SNX29: variants seen among roughly 807,000 people sequenced by gnomAD.
SNX29 encodes sorting nexin-29.
SNX29 carries 78 observed loss-of-function variants against 102.1 expected under a neutral mutation model. The observed-to-expected ratio is 0.76, with a 90% CI of 0.64 to 0.92. The LOEUF is 0.92. Among genes scored for constraint, SNX29 ranks in the 40% least tolerant of loss-of-function variants. The pLI is 0.00. For synonymous variants in SNX29, 580 were observed against 414.5 expected (o/e 1.40, Z -4.85); for missense variants, 1,280 against 1,061.7 (o/e 1.21, Z -2.86).
At chr16:12,166,815 A>T (rs1167034318) in intron 13 of SNX29, among the ~76,000 whole-genome samples, 1 of 152,218 alleles carries the variant, frequency 6.6e-6, no homozygotes, top group East Asian at 1.9e-4. Context: ...TGCTTCCAGC[A>T]GATCTCGTGT....
chr16:12,195,860 C>G (rs1232042218), intron 13 of SNX29, among the ~76,000 whole-genome samples: 1 of 152,004 alleles, frequency 6.6e-6, no homozygotes, highest in Non-Finnish European at 1.5e-5. Context: ...AATGAGACAC[C>G]AAGTGTGTGG....
At chr16:12,241,360 C>G (rs1180076345) in intron 14 of SNX29, among the ~76,000 whole-genome samples, 1 of 152,016 alleles carries the variant, frequency 6.6e-6, no homozygotes, top group Non-Finnish European at 1.5e-5. Flanking sequence ...ATTGAATTAA[C>G]AAAAGTTTTG....
chr16:12,056,118 G>C (rs1366761875), intron 8 of SNX29, among the ~76,000 whole-genome samples: 1 of 152,176 alleles, frequency 6.6e-6, no homozygotes, highest in Non-Finnish European at 1.5e-5. Flanking sequence ...CTGAGCTCAA[G>C]TGATCCACCT....
chr16:12,454,687 A>T (rs1455131028), intron 18 of SNX29, among the ~76,000 whole-genome samples: 1 of 152,080 alleles, frequency 6.6e-6, no homozygotes, highest in Admixed American at 6.6e-5. Flanking sequence ...GTGGCGCATC[A>T]TTGGAGGAAT....
At chr16:12,279,710 G>A (rs1402348947) in intron 15 of SNX29, among the ~76,000 whole-genome samples, 3 of 152,200 alleles carry the variant, frequency 2.0e-5, no homozygotes, top group Non-Finnish European at 2.9e-5. Flanking sequence ...ACCTCTGTAC[G>A]TTCCACAGCC....
At chr16:12,319,830 G>C (rs767837566) in intron 15 of SNX29, among the ~76,000 whole-genome samples, 2 of 152,174 alleles carry the variant, frequency 1.3e-5, no homozygotes, top group Admixed American at 6.5e-5. Flanking sequence ...AAGCAGGAAG[G>C]GGGAGGGATG....
intron 11 of SNX29, among the ~76,000 whole-genome samples, chr16:12,109,191 A>G (rs1054896870): frequency 3.3e-5 from 5 of 149,370 alleles, no homozygotes; most frequent in Non-Finnish European, 7.4e-5. Flanking sequence ...GTGCAGGCTG[A>G]GAAGTCTAGA....
chr16:12,107,624 A>G (rs2053317050), intron 11 of SNX29, among the ~76,000 whole-genome samples: 2 of 152,140 alleles, frequency 1.3e-5, no homozygotes, highest in Non-Finnish European at 2.9e-5. Context: ...CAACAGAGTG[A>G]GACTCTGCCT....
chr16:12,544,867 A>G (rs189707364), intron 20 of SNX29, among the ~76,000 whole-genome samples: 1,633 of 152,302 alleles, frequency 0.011, 9 homozygotes, highest in Middle Eastern at 0.024. Context: ...GCCAGTGTCA[A>G]CACAGCCCCT....
intron 7 of SNX29, among the ~76,000 whole-genome samples, chr16:12,050,921 A>G (rs372554212): frequency 4.0e-5 from 6 of 151,294 alleles, no homozygotes; most frequent in African/African-American, 7.3e-5. Flanking sequence ...GGGTTTCACC[A>G]TGTTTGCCAG....
At position 12,573,558 on chromosome 16, in the gene SNX29, C is replaced by T. The variant is rs145535207; in HGVS notation, c.*4929C>T. On this transcript the variant is annotated 3_prime_UTR_variant, in exon 21 of 21. Transcript: ENST00000566228. ...TGCGTAAGTGTTTTCCCATCCTAAC[C>T]GGAAAACCACTCACCCAGGCTTCCC... 2.1e-3 allele frequency: 458 copies of T among 223,210 alleles called. 1 individual carries two copies. The highest frequency in any genetic ancestry group is 9.3e-3 in the African/African-American group (418 of 44,908). The allele number at this position is 223,210 out of a possible 1,614,324, so 13.8% of individuals were successfully genotyped here.
chr16:12,437,653 C>G (rs1416210244), intron 18 of SNX29, among the ~76,000 whole-genome samples: 1 of 152,214 alleles, frequency 6.6e-6, no homozygotes, highest in African/African-American at 2.4e-5. Flanking sequence ...TAGCTGCCCT[C>G]TCCTCCTTCA....
intron 4 of SNX29, among the ~76,000 whole-genome samples, chr16:12,039,408 G>C (rs946209283): frequency 7.2e-5 from 11 of 152,160 alleles, no homozygotes; most frequent in African/African-American, 2.4e-4. Flanking sequence ...CTGCCTGCTA[G>C]ACTGGAAGCC....
chr16:12,043,009 C>T lies in SNX29; in HGVS notation c.360C>T (p.Arg120=). The change falls in exon 5 of 21, where the codon CGC becomes CGT. Residue 120 remains arginine, a synonymous_variant. Transcript: ENST00000566228. ...TGGGCCGGGGTCGCGCCTGGCTGCG[C>T]TGTGCCCTCAACGAACACTCCCTGG... ...SDVGRGRAWL[R]CALNEHSLER... 2.5e-6 allele frequency: 4 copies of T among 1,613,666 alleles called. No individual in the cohort carries two copies. Among genetic ancestry groups the T allele is most frequent in the Non-Finnish European group, 2.5e-6 (3 of 1,179,870 alleles).
At chr16:11,980,910 T>C (rs748271537) in intron 1 of SNX29, among the ~76,000 whole-genome samples, 1 of 152,160 alleles carries the variant, frequency 6.6e-6, no homozygotes, top group Non-Finnish European at 1.5e-5. Context: ...TTATCAGGTT[T>C]ATTGTTTACA....
chr16:12,014,122 T>TTTTTG (rs1157591627), intron 3 of SNX29, among the ~76,000 whole-genome samples: 2 of 152,070 alleles, frequency 1.3e-5, no homozygotes, highest in Non-Finnish European at 2.9e-5. Flanking sequence ...TAAAGCAAGC[T>TTTTTG]TTTGGTTTGA....
At chr16:12,546,575 C>G (rs1025027255) in intron 20 of SNX29, 4 of 152,212 alleles carry the variant, frequency 2.6e-5, no homozygotes, top group African/African-American at 4.8e-5. Context: ...CATGGTTTGG[C>G]TGTGTCCCCA....
At chr16:12,492,968 G>A (rs1010493591) in intron 19 of SNX29, among the ~76,000 whole-genome samples, 2 of 152,206 alleles carry the variant, frequency 1.3e-5, no homozygotes, top group African/African-American at 4.8e-5. Flanking sequence ...GTAGGGTGAT[G>A]CCTCCAGCTT....
intron 18 of SNX29, among the ~76,000 whole-genome samples, chr16:12,412,816 C>T (rs2084457897): frequency 6.6e-6 from 1 of 152,186 alleles, no homozygotes; most frequent in African/African-American, 2.4e-5. Flanking sequence ...TTTATATTTA[C>T]TTTTTATATG....
Sources: allele counts gnomAD v4.1 joint callset (sites outside exome capture counted in the v4.1 genomes callset), GRCh38; gene constraint gnomAD v4.1.1; transcripts MANE v1.5; gene names NCBI Gene and HGNC (gene_info 2026-07-23, HGNC 2026-07-21).